CHRM3: variants seen among roughly 807,000 people sequenced by gnomAD.
CHRM3 encodes cholinergic receptor muscarinic 3.
Under a neutral mutation model 41.8 loss-of-function variants are expected in CHRM3, and 11 were observed. That is an observed-to-expected ratio of 0.26 (90% CI 0.17 to 0.44). The LOEUF (loss-of-function observed/expected upper bound fraction) is 0.44, where lower values mean the gene tolerates loss of function less well. CHRM3 is among the 20% of genes least tolerant of loss of function. The pLI is 1.00. For synonymous variants in CHRM3, 297 were observed against 301.4 expected, an observed-to-expected ratio of 0.99 and a Z score of 0.15; for missense variants, 571 against 745.4, an observed-to-expected ratio of 0.77 and a Z score of 2.72.
At chr1:239,832,870 A>G (rs1214134997) in intron 6 of CHRM3, among the ~76,000 whole-genome samples, 1 of 152,148 alleles carries the variant, frequency 6.6e-6, no homozygotes, top group East Asian at 1.9e-4. Flanking sequence ...GGATATCAGG[A>G]CGCTCCTGAG....
intron 5 of CHRM3, among the ~76,000 whole-genome samples, chr1:239,750,473 C>T (rs1665718109): frequency 2.0e-5 from 3 of 152,196 alleles, no homozygotes; most frequent in Admixed American, 6.5e-5. Flanking sequence ...CCATTTTCAT[C>T]TGAGGACTTG....
intron 6 of CHRM3, among the ~76,000 whole-genome samples, chr1:239,846,458 T>C (rs1335392146): frequency 6.6e-6 from 1 of 152,302 alleles, no homozygotes; most frequent in Non-Finnish European, 1.5e-5. Context: ...GGATTCTCGG[T>C]CTAATGCACC....
intron 3 of CHRM3, among the ~76,000 whole-genome samples, chr1:239,577,014 A>G (rs12089292): frequency 0.085 from 12,866 of 152,250 alleles, 600 homozygotes; most frequent in Admixed American, 0.11. Flanking sequence ...ATTGTAACAA[A>G]CACTTCAGAA....
At chr1:239,517,858 A>G (rs1408510785) in intron 2 of CHRM3, among the ~76,000 whole-genome samples, 2 of 152,196 alleles carry the variant, frequency 1.3e-5, no homozygotes, top group East Asian at 3.9e-4. Flanking sequence ...GTTTCTTCCC[A>G]GCACTTTGAG....
intron 6 of CHRM3, among the ~76,000 whole-genome samples, chr1:239,838,859 G>A (rs77076332): frequency 0.012 from 1,772 of 152,290 alleles, 34 homozygotes; most frequent in African/African-American, 0.04. Flanking sequence ...CTGGGAAATT[G>A]ATACTTCTGA....
At chr1:239,776,300 A>G (rs1393143804) in intron 5 of CHRM3, among the ~76,000 whole-genome samples, 3 of 152,220 alleles carry the variant, frequency 2.0e-5, no homozygotes, top group Non-Finnish European at 1.5e-5. Flanking sequence ...GTGCCTTATA[A>G]GGTTGTCATA....
At chr1:239,809,810 T>G (rs1269916868) in intron 5 of CHRM3, among the ~76,000 whole-genome samples, 2 of 152,152 alleles carry the variant, frequency 1.3e-5, no homozygotes, top group Non-Finnish European at 2.9e-5. Context: ...ACTGTAGTTG[T>G]TTTCCAATTT....
chr1:239,551,524 C>CA lies in CHRM3; in HGVS notation c.-313+5787dup, dbSNP rs61544683. ...AAAATAGAGCAAAAAATAACTGAAC[C>CA]AAAAAAAAAAAAGGCCTCTGTGTCA... On this transcript the variant is annotated intron_variant, in intron 3 of 6. Transcript: ENST00000676153. Among the ~76,000 whole-genome samples, 721 of 140,702 alleles carry CA rather than the reference C, an allele frequency of 5.1e-3. 4 individuals carry two copies. The highest frequency in any genetic ancestry group is 9.3e-3 in the South Asian group (42 of 4,498). The allele number at this position is 140,702 out of a possible 152,430, so 92.3% of individuals were successfully genotyped here.
In CHRM3 at chr1:239,909,677, C is replaced by T. The variant is rs1234982437; in HGVS notation, c.*453C>T. 5.9e-6 allele frequency: 1 copy of T among 169,962 alleles called. No homozygotes were observed. Among genetic ancestry groups the T allele is most frequent in the East Asian group, 1.9e-4 (1 of 5,228 alleles). The allele number at this position is 169,962 out of a possible 1,614,324, so 10.5% of individuals were successfully genotyped here. A position where few individuals can be genotyped will look rare whatever the true frequency, so the allele number is the denominator to read the frequency against. ...ACTGCAGGCTTACGAATCTGTGGTTCCAAAATTATTTCATACGTTGCAAAG... is the reference window on the plus strand; with the variant it reads ...ACTGCAGGCTTACGAATCTGTGGTTTCAAAATTATTTCATACGTTGCAAAG... On this transcript the variant is annotated 3_prime_UTR_variant, in exon 7 of 7. Coordinates refer to ENST00000676153, the MANE Select transcript of CHRM3 (RefSeq NM_001375978.1).
At chr1:239,789,667 C>G (rs573354208) in intron 5 of CHRM3, among the ~76,000 whole-genome samples, 6 of 152,238 alleles carry the variant, frequency 3.9e-5, no homozygotes, top group African/African-American at 1.2e-4. Flanking sequence ...GAACTAAGAG[C>G]GAACTTACTC....
At chr1:239,826,291 AAG>A (rs1312748949) in intron 5 of CHRM3, among the ~76,000 whole-genome samples, 4 of 152,208 alleles carry the variant, frequency 2.6e-5, no homozygotes, top group Non-Finnish European at 5.9e-5. Context: ...TAAGGAAATT[AAG>A]AGATGCTGCA....
intron 3 of CHRM3, among the ~76,000 whole-genome samples, chr1:239,560,578 C>T (rs1035669063): frequency 8.6e-5 from 13 of 152,016 alleles, no homozygotes; most frequent in African/African-American, 2.4e-4. Context: ...TCCAAGGATA[C>T]GTAACATTGT....
intron 2 of CHRM3, among the ~76,000 whole-genome samples, chr1:239,531,242 G>C (rs1670381398): frequency 6.6e-6 from 1 of 152,060 alleles, no homozygotes; most frequent in African/African-American, 2.4e-5. Flanking sequence ...TGCACTTCCT[G>C]ATTTTAGAAA....
chr1:239,849,554 A>G (rs995818925), intron 6 of CHRM3, among the ~76,000 whole-genome samples: 2 of 152,228 alleles, frequency 1.3e-5, no homozygotes, highest in Non-Finnish European at 2.9e-5. Context: ...ATCAAAAGAC[A>G]CAAACGTGTT....
At chr1:239,494,640 C>A (rs59430988) in intron 2 of CHRM3, among the ~76,000 whole-genome samples, 3,072 of 152,058 alleles carry the variant, frequency 0.02, 100 homozygotes, top group African/African-American at 0.07. Flanking sequence ...CACCTATCAA[C>A]CCATCATCTA....
At chr1:239,457,105 C>A (rs1665002867) in intron 1 of CHRM3, among the ~76,000 whole-genome samples, 1 of 152,154 alleles carries the variant, frequency 6.6e-6, no homozygotes, top group Non-Finnish European at 1.5e-5. Context: ...TTTGCATCAT[C>A]CTTTCTCAGG....
chr1:239,766,514 C>G (rs1667220253), intron 5 of CHRM3, among the ~76,000 whole-genome samples: 1 of 152,016 alleles, frequency 6.6e-6, no homozygotes, highest in Non-Finnish European at 1.5e-5. Context: ...ACTTATATCC[C>G]TGAACTTAAA....
chr1:239,595,985 C>T (rs186303178), intron 3 of CHRM3, among the ~76,000 whole-genome samples: 6 of 152,260 alleles, frequency 3.9e-5, no homozygotes, highest in South Asian at 2.1e-4. Context: ...TGTAATTTCA[C>T]GCTTCTCATT....
At chr1:239,708,462 C>G (rs924424222) in intron 5 of CHRM3, among the ~76,000 whole-genome samples, 1 of 152,130 alleles carries the variant, frequency 6.6e-6, no homozygotes, top group Non-Finnish European at 1.5e-5. Context: ...CTACTCAACA[C>G]CCTCCAGTGG....
Sources: allele counts gnomAD v4.1 joint callset (sites outside exome capture counted in the v4.1 genomes callset), GRCh38; gene constraint gnomAD v4.1.1; transcripts MANE v1.5; gene names NCBI Gene and HGNC (gene_info 2026-07-23, HGNC 2026-07-21).